SLC26A7: variants seen among roughly 807,000 people sequenced by gnomAD.
SLC26A7 encodes solute carrier family 26 member 7.
A neutral mutation model predicts 82.5 loss-of-function variants in SLC26A7; 59 were observed. The ratio of observed to expected loss-of-function variants is 0.72; its 90% confidence interval spans 0.58 to 0.89. The LOEUF (loss-of-function observed/expected upper bound fraction) is 0.89, where lower values mean the gene tolerates loss of function less well. Among genes scored for constraint, SLC26A7 ranks in the 40% least tolerant of loss-of-function variants. SLC26A7 has a pLI of 0.00. For synonymous variants in SLC26A7, 271 were observed against 274.3 expected, an observed-to-expected ratio of 0.99 and a Z score of 0.12; for missense variants, 820 against 793.0, an observed-to-expected ratio of 1.03 and a Z score of -0.41.
chr8:91,349,878 G>T (rs1227504465), intron 9 of SLC26A7, among the ~76,000 whole-genome samples: 1 of 152,104 alleles, frequency 6.6e-6, no homozygotes, highest in Admixed American at 6.6e-5. Context: ...ATCACTGACT[G>T]AGCTCTCTGA....
At chr8:91,247,732 G>T (rs1267818255), upstream of SLC26A7, among the ~76,000 whole-genome samples, 3 of 152,066 alleles carry the variant, frequency 2.0e-5, no homozygotes, top group Admixed American at 6.5e-5. Flanking sequence ...TCCTGTTCAT[G>T]TGAATTTTTT....
intron 4 of SLC26A7, among the ~76,000 whole-genome samples, chr8:91,306,620 A>G (rs1376094917): frequency 6.6e-6 from 1 of 152,176 alleles, no homozygotes; most frequent in African/African-American, 2.4e-5. Context: ...TGTTACTAAC[A>G]TCTTACATTA....
chr8:91,258,403 C>G (rs866805602), intron 2 of SLC26A7, among the ~76,000 whole-genome samples: 1 of 149,876 alleles, frequency 6.7e-6, no homozygotes, highest in Non-Finnish European at 1.5e-5. Flanking sequence ...AAGTCACCCC[C>G]CCATCTACAC....
chr8:91,383,232 G>T (rs1814712158), intron 15 of SLC26A7, among the ~76,000 whole-genome samples: 1 of 152,146 alleles, frequency 6.6e-6, no homozygotes, highest in Non-Finnish European at 1.5e-5. Context: ...GAACTGTTTG[G>T]AAGTTGGAGT....
At chr8:91,289,006 A>C in intron 2 of SLC26A7, 130 bp from the exon 3 acceptor site, 1 of 615,632 alleles carries the variant, frequency 1.6e-6, no homozygotes, top group Admixed American at 2.9e-5. Flanking sequence ...ATAATGCTAG[A>C]CTCTTGTTGA....
chr8:91,236,460 G>C (rs1014877401), intron 2 of SLC26A7, among the ~76,000 whole-genome samples: 1 of 151,998 alleles, frequency 6.6e-6, no homozygotes, highest in African/African-American at 2.4e-5. Flanking sequence ...GTTGTCAAGT[G>C]TGCATCATTT....
intron 2 of SLC26A7, among the ~76,000 whole-genome samples, chr8:91,221,953 T>A (rs1407362181): frequency 2.6e-5 from 4 of 152,212 alleles, no homozygotes; most frequent in Non-Finnish European, 5.9e-5. Flanking sequence ...ATCTATAAAT[T>A]ACTTTGGGCA....
chr8:91,334,416 T>C lies in SLC26A7; in HGVS notation c.764T>C (p.Ile255Thr), dbSNP rs1318985368. The C allele has an allele frequency of 1.9e-6, 3 of 1,612,838 alleles. No individual in the cohort carries two copies. Among genetic ancestry groups the C allele is most frequent in the South Asian group, 2.2e-5 (2 of 90,930 alleles). Reference protein sequence around the residue: ...KELNEQFKRKIKVVLPVDLVL... With the variant: ...KELNEQFKRKTKVVLPVDLVL... ...CTGAATGAACAGTTTAAAAGGAAAA[T>C]TAAAGTTGTTCTTCCTGTAGATTTA... The change falls in exon 6 of 19, where the codon ATT becomes ACT. Residue 255 changes from isoleucine to threonine, a missense_variant. Transcript: ENST00000276609.
Position 91,226,154 on chromosome 8 carries a change from A to G in SLC26A7, c.-34+7149A>G, listed in dbSNP as rs551110492. On this transcript the variant is annotated intron_variant, in intron 2 of 5. Coordinates refer to the SLC26A7 transcript ENST00000522862. ...AGTTTCATTTAGCTTCATTTACCAC[A>G]CCTCGGTGGGTAGTATCTAAATCTG... Among the ~76,000 whole-genome samples, 4 of 151,866 alleles carry G rather than the reference A, an allele frequency of 2.6e-5. No individual in the cohort carries two copies. The South Asian group carries it at 8.4e-4, about 32-fold the overall frequency.
chr8:91,231,484 C>T (rs1337826241), intron 2 of SLC26A7, among the ~76,000 whole-genome samples: 1 of 152,198 alleles, frequency 6.6e-6, no homozygotes, highest in Non-Finnish European at 1.5e-5. Flanking sequence ...AGAAGGCACA[C>T]TCTTGGAAAG....
chr8:91,376,383 GACTTTT>G (rs1814517389), intron 15 of SLC26A7, among the ~76,000 whole-genome samples: 1 of 152,112 alleles, frequency 6.6e-6, no homozygotes, highest in African/African-American at 2.4e-5. Context: ...ATTTGGATGG[GACTTTT>G]ACATTTTTCA....
intron 2 of SLC26A7, among the ~76,000 whole-genome samples, chr8:91,235,368 C>G (rs1392034332): frequency 1.3e-5 from 2 of 152,034 alleles, no homozygotes; most frequent in Non-Finnish European, 2.9e-5. Flanking sequence ...TACATTCTCA[C>G]TCATATTTAG....
intron 1 of SLC26A7, among the ~76,000 whole-genome samples, chr8:91,212,692 A>G (rs79575646): frequency 1.3e-5 from 2 of 152,210 alleles, no homozygotes; most frequent in African/African-American, 4.8e-5. Flanking sequence ...CAACCAGTCA[A>G]CTGTGAAAAT....
intron 8 of SLC26A7, among the ~76,000 whole-genome samples, chr8:91,342,580 C>A (rs1362132972): frequency 6.6e-6 from 1 of 152,174 alleles, no homozygotes; most frequent in African/African-American, 2.4e-5. Flanking sequence ...AACCCTAAAG[C>A]TTTCAATCTA....
chr8:91,382,443 A>G (rs1455808324), intron 15 of SLC26A7, among the ~76,000 whole-genome samples: 2 of 152,182 alleles, frequency 1.3e-5, no homozygotes, highest in Non-Finnish European at 2.9e-5. Context: ...AACTAGAACT[A>G]TCTCCCTTTT....
rs1235317036 is a variant in SLC26A7 at position 91,344,185 on chromosome 8, T to C, written c.1140+719T>C. On this transcript the variant is annotated intron_variant, in intron 9 of 18. Transcript: ENST00000276609. ...CTATGAAAAACTAAACCTTTGATGA[T>C]CTAGGCAACCTTAAGAAGGAGGTGT... 1.2e-5 allele frequency: 12 copies of C among 985,300 alleles called. No homozygotes were observed. The African/African-American group carries it at 1.9e-4, about 16-fold the overall frequency. 61.0% of individuals were successfully genotyped at this position (985,300 alleles called of 1,614,324 possible). A position where few individuals can be genotyped will look rare whatever the true frequency, so the allele number is the denominator to read the frequency against.
chr8:91,298,734 A>G (rs1442692099), intron 4 of SLC26A7, among the ~76,000 whole-genome samples: 2 of 152,142 alleles, frequency 1.3e-5, no homozygotes, highest in African/African-American at 4.8e-5. Flanking sequence ...GGGACTGTAA[A>G]AGAAAGGCAC....
intron 4 of SLC26A7, among the ~76,000 whole-genome samples, chr8:91,308,074 G>A (rs1013608158): frequency 1.3e-5 from 2 of 151,960 alleles, no homozygotes; most frequent in Non-Finnish European, 2.9e-5. Flanking sequence ...TAGTTGTCCT[G>A]TCTTTCTTCA....
chr8:91,219,417 T>C (rs73697152), intron 2 of SLC26A7, among the ~76,000 whole-genome samples: 4,585 of 152,230 alleles, frequency 0.03, 228 homozygotes, highest in African/African-American at 0.1. Context: ...GTGATTTCAT[T>C]TGAGGCACTA....
Sources: gnomAD v4.1 joint callset for allele counts (sites outside exome capture counted in the v4.1 genomes callset) on GRCh38, gnomAD v4.1.1 for gene constraint, MANE v1.5 for transcripts, NCBI Gene and HGNC (gene_info 2026-07-23, HGNC 2026-07-21) for gene names.